SEL1L3: variants seen among roughly 807,000 people sequenced by gnomAD.
SEL1L3 encodes the protein SEL1L family member 3.
A neutral mutation model predicts 142.8 loss-of-function variants in SEL1L3; 76 were observed. That is an observed-to-expected ratio of 0.53 (90% CI 0.44 to 0.64). SEL1L3 has a LOEUF of 0.64. Among genes scored for constraint, SEL1L3 ranks in the 30% least tolerant of loss-of-function variants. The pLI, the probability that SEL1L3 is intolerant of heterozygous loss-of-function variation, is 0.00. For synonymous variants in SEL1L3, 504 were observed against 519.6 expected, an observed-to-expected ratio of 0.97 and a Z score of 0.41; for missense variants, 1,262 against 1,381.7, an observed-to-expected ratio of 0.91 and a Z score of 1.37.
chr4:25,816,169 T>C lies in SEL1L3; in HGVS notation c.1564+1969A>G, dbSNP rs138243848. On this transcript the variant is annotated intron_variant, in intron 9 of 23. Transcript: ENST00000399878. ...ACATATATTATATATGTATATTATA[T>C]ATACATACACACATATGCACACACA... Among the ~76,000 whole-genome samples the C allele has an allele frequency of 6.1e-4, 91 of 148,268 alleles. 1 individual carries two copies. Among genetic ancestry groups the C allele is most frequent in the African/African-American group, 2.1e-3 (86 of 40,672 alleles).
chr4:25,731,551 G>A, the SEL1L3 span, among the ~76,000 whole-genome samples: 1 of 152,134 alleles, frequency 6.6e-6, no homozygotes, highest in Non-Finnish European at 1.5e-5. Flanking sequence ...TGTCACTATA[G>A]GTTAGTTTGC....
Position 25,818,138 on chromosome 4 carries a change from C to A in SEL1L3, c.1564G>T (p.Val522Leu). The A allele has an allele frequency of 6.2e-7, 1 of 1,610,782 alleles. No homozygotes were observed. The highest frequency in any genetic ancestry group is 8.5e-7 in the Non-Finnish European group (1 of 1,178,588). ...QALLEMDLLT[V>L]PRNQNESVSE... ...AAAGCCGAGGCAAAGACTCAATTACCGGTCAGCAGATCCATCTCCAGCAAT... is the reference window on the plus strand; with the variant it reads ...AAAGCCGAGGCAAAGACTCAATTACAGGTCAGCAGATCCATCTCCAGCAAT... The change falls in exon 9 of 24, where the codon GTG becomes TTG. Residue 522 changes from valine to leucine, a missense_variant and splice_region_variant. Val to Leu is a conservative substitution (Grantham distance 32). This residue lies in a region of SEL1L3 where 689 missense variants were observed against 692.8 expected (regional missense o/e 0.99). Coordinates refer to ENST00000399878, the MANE Select transcript of SEL1L3 (RefSeq NM_015187.5).
At chr4:25,764,551 A>G (rs1560282142) in intron 20 of SEL1L3, among the ~76,000 whole-genome samples, 1 of 152,214 alleles carries the variant, frequency 6.6e-6, no homozygotes, top group Non-Finnish European at 1.5e-5. Flanking sequence ...CACTGAGGGA[A>G]AAACTCTGTC....
At position 25,748,359 on chromosome 4, in the gene SEL1L3, C is replaced by T; in HGVS notation, c.*66G>A. The T allele has an allele frequency of 6.7e-7, 1 of 1,492,654 alleles. No individual in the cohort carries two copies. Among genetic ancestry groups the T allele is most frequent in the Non-Finnish European group, 9.1e-7 (1 of 1,101,010 alleles). 92.5% of individuals were successfully genotyped at this position (1,492,654 alleles called of 1,614,324 possible). A position where few individuals can be genotyped will look rare whatever the true frequency, so the allele number is the denominator to read the frequency against. ...GTGTTTATCAGGATCATGCCCTGGCCCCAGCTTCCCAATACCAGCTGTTGA... is the reference window on the plus strand; with the variant it reads ...GTGTTTATCAGGATCATGCCCTGGCTCCAGCTTCCCAATACCAGCTGTTGA... On this transcript the variant is annotated 3_prime_UTR_variant, in exon 24 of 24. Transcript: ENST00000399878.
At chr4:25,784,682 C>T (rs2109177561) in intron 13 of SEL1L3, among the ~76,000 whole-genome samples, 1 of 152,302 alleles carries the variant, frequency 6.6e-6, no homozygotes, top group South Asian at 2.1e-4. Flanking sequence ...TCAAGAGTTA[C>T]CAGGTTGTCG....
chr4:25,767,698 T>C (rs1376649275), intron 18 of SEL1L3, 42 bp downstream of exon 18: 1 of 1,481,156 alleles, frequency 6.8e-7, no homozygotes, highest in East Asian at 2.4e-5. Context: ...TCATTATCCT[T>C]AACCTCAGAG....
Position 25,818,139 on chromosome 4 carries a change from G to A in SEL1L3, c.1563C>T (p.Thr521=), listed in dbSNP as rs373099691. The A allele has an allele frequency of 5.6e-6, 9 of 1,610,782 alleles. No individual in the cohort carries two copies. Among genetic ancestry groups the A allele is most frequent in the African/African-American group, 4.0e-5 (3 of 74,840 alleles). Residue 521 remains threonine, a splice_region_variant and synonymous_variant, in exon 9 of 24, where the codon ACC becomes ACT. Coordinates refer to ENST00000399878, the MANE Select transcript of SEL1L3 (RefSeq NM_015187.5). The part of the protein sequence containing the change: ...FQALLEMDLL[T]VPRNQNESVS... ...AAGCCGAGGCAAAGACTCAATTACCGGTCAGCAGATCCATCTCCAGCAATG... is the reference window on the plus strand; with the variant it reads ...AAGCCGAGGCAAAGACTCAATTACCAGTCAGCAGATCCATCTCCAGCAATG...
chr4:25,769,942 A>T (rs537227239), intron 17 of SEL1L3, among the ~76,000 whole-genome samples: 154 of 152,248 alleles, frequency 1.0e-3, no homozygotes, highest in African/African-American at 3.5e-3. Flanking sequence ...AGCCTGGGCA[A>T]CAGTAGAAAC....
At chr4:25,756,316 G>T (rs1034354012) in intron 23 of SEL1L3, 1 of 985,116 alleles carries the variant, frequency 1.0e-6, no homozygotes, top group African/African-American at 1.7e-5. Context: ...TACTATGCAT[G>T]AGTTATCACA....
chr4:25,835,267 C>A lies in SEL1L3; in HGVS notation c.790G>T (p.Val264Phe), dbSNP rs1224822568. 6.2e-7 allele frequency: 1 copy of A among 1,614,018 alleles called. No homozygotes were observed. Among genetic ancestry groups the A allele is most frequent in the Non-Finnish European group, 8.5e-7 (1 of 1,179,884 alleles). The change falls in exon 3 of 24, where the codon GTC becomes TTC. Residue 264 changes from valine (V) to phenylalanine (F), a missense_variant. Physicochemically the swap from Val to Phe is conservative, Grantham distance 50. Coordinates refer to ENST00000399878, the MANE Select transcript of SEL1L3 (RefSeq NM_015187.5). ...YASSGENTGI[V>F]KKFPRFRNRE... ...TTCCGAAACCTCGGGAACTTCTTGACAATGCCTGTGTTTTCTCCACTGGAG... is the reference window on the plus strand; with the variant it reads ...TTCCGAAACCTCGGGAACTTCTTGAAAATGCCTGTGTTTTCTCCACTGGAG...
At chr4:25,831,132 C>T (rs1715411158) in intron 5 of SEL1L3, among the ~76,000 whole-genome samples, 1 of 152,152 alleles carries the variant, frequency 6.6e-6, no homozygotes, top group Non-Finnish European at 1.5e-5. Flanking sequence ...CTATGTACTC[C>T]ACCACTAAGT....
the SEL1L3 span, among the ~76,000 whole-genome samples, chr4:25,714,029 G>T: frequency 6.6e-6 from 1 of 152,078 alleles, no homozygotes; most frequent in South Asian, 2.1e-4. Flanking sequence ...CAATTTAAAT[G>T]ATTTGTCTGA....
Position 25,748,092 on chromosome 4 carries a change from G to T in SEL1L3, c.*333C>A. The stretch of plus-strand genomic sequence containing the variant: ...ACTGTGATTCTTAAGACACATCTTA[G>T]TGTATAAGAATCCAGATCTGCCGTA... On this transcript the variant is annotated 3_prime_UTR_variant, in exon 24 of 24. Transcript: ENST00000399878. The T allele has an allele frequency of 4.1e-6, 1 of 244,926 alleles. No homozygotes were observed. Among genetic ancestry groups the T allele is most frequent in the Non-Finnish European group, 7.9e-6 (1 of 126,216 alleles). 15.2% of individuals were successfully genotyped at this position (244,926 alleles called of 1,614,324 possible).
chr4:25,811,315 A>G (rs1182240427), intron 9 of SEL1L3, among the ~76,000 whole-genome samples: 1 of 152,218 alleles, frequency 6.6e-6, no homozygotes, highest in African/African-American at 2.4e-5. Context: ...TGACAGCGGA[A>G]AGCTGGCAAA....
chr4:25,725,605 C>T, the SEL1L3 span, among the ~76,000 whole-genome samples: 20 of 152,162 alleles, frequency 1.3e-4, no homozygotes, highest in African/African-American at 1.7e-4. Context: ...TGAGCTACTG[C>T]GCCCGGCCCT....
chr4:25,748,227 T>C lies in SEL1L3; in HGVS notation c.*198A>G. 3.5e-6 allele frequency: 2 copies of C among 569,362 alleles called. No individual in the cohort carries two copies. Among genetic ancestry groups the C allele is most frequent in the Non-Finnish European group, 6.2e-6 (2 of 321,212 alleles). The allele number at this position is 569,362 out of a possible 1,614,324, so 35.3% of individuals were successfully genotyped here. On this transcript the variant is annotated 3_prime_UTR_variant, in exon 24 of 24. Coordinates refer to ENST00000399878, the MANE Select transcript of SEL1L3 (RefSeq NM_015187.5). ...CAAGATGTTCCTTGTATGTGTTTGATGACCTTTGGTATTACCACTGCCTGA... is the reference window on the plus strand; with the variant it reads ...CAAGATGTTCCTTGTATGTGTTTGACGACCTTTGGTATTACCACTGCCTGA...
At chr4:25,777,491 A>T (rs1427509667) in intron 16 of SEL1L3, 1 of 183,220 alleles carries the variant, frequency 5.5e-6, no homozygotes, top group Non-Finnish European at 1.1e-5. Flanking sequence ...AACAAACTTG[A>T]TGTAACTGAT....
Position 25,847,732 on chromosome 4 carries a change from C to T in SEL1L3, c.295G>A (p.Val99Ile). The T allele has an allele frequency of 6.2e-7, 1 of 1,613,924 alleles. No homozygotes were observed. Among genetic ancestry groups the T allele is most frequent in the South Asian group, 1.1e-5 (1 of 91,082 alleles). ...FEGNVRNVSE[V>I]SVEYLCSQPC... is the part of the protein sequence containing the mutation. The stretch of plus-strand genomic sequence containing the variant: ...TGAGAGCATAAATACTCAACCGAGA[C>T]TTCAGAAACGTTGCGAACGTTTCCT... The change falls in exon 2 of 24, where the codon GTC (valine) becomes ATC (isoleucine). Residue 99 changes from valine to isoleucine, a missense_variant. Transcript: ENST00000399878.
intron 1 of SEL1L3, among the ~76,000 whole-genome samples, chr4:25,858,339 C>T (rs187799282): frequency 3.3e-3 from 506 of 152,274 alleles, no homozygotes; most frequent in Non-Finnish European, 4.7e-3. Flanking sequence ...ATTCATAATA[C>T]CTCTCCCTCA....
Sources: allele counts gnomAD v4.1 joint callset (sites outside exome capture counted in the v4.1 genomes callset), GRCh38; gene constraint gnomAD v4.1.1; regional missense constraint gnomAD v4.1.1; transcripts MANE v1.5; gene names NCBI Gene and HGNC (gene_info 2026-07-23, HGNC 2026-07-21).